PDE1C: variants seen among roughly 807,000 people sequenced by gnomAD.
PDE1C encodes the protein phosphodiesterase 1C, also known as dual specificity calcium/calmodulin-dependent 3',5'-cyclic nucleotide phosphodiesterase 1C.
In PDE1C, 62 loss-of-function variants were observed where a neutral mutation model predicts 93.1. The observed-to-expected ratio is 0.67, with a 90% CI of 0.54 to 0.82. The LOEUF (loss-of-function observed/expected upper bound fraction) is 0.82. Ranked by LOEUF, PDE1C falls within the 40% of genes least tolerant of loss-of-function variation. The pLI is 0.00. For synonymous variants in PDE1C, 325 were observed against 310.1 expected, an observed-to-expected ratio of 1.05 and a Z score of -0.50; for missense variants, 742 against 884.6, an observed-to-expected ratio of 0.84 and a Z score of 2.04.
chr7:32,251,082 T>TGC (rs58866039), intron 1 of PDE1C, among the ~76,000 whole-genome samples: 1 of 152,136 alleles, frequency 6.6e-6, no homozygotes, highest in Non-Finnish European at 1.5e-5. Flanking sequence ...CAAGCGCGCG[T>TGC]GCGCACACAC....
At chr7:31,621,241 C>T in the PDE1C span, among the ~76,000 whole-genome samples, 1 of 151,626 alleles carries the variant, frequency 6.6e-6, no homozygotes, top group Admixed American at 6.6e-5. Context: ...CGTTCAGATT[C>T]AGGAAATGCA....
intron 1 of PDE1C, among the ~76,000 whole-genome samples, chr7:32,252,209 A>G (rs1447900176): frequency 6.6e-6 from 1 of 152,214 alleles, no homozygotes. Context: ...CATATTTTCC[A>G]AAACAGTCTT....
intron 1 of PDE1C, among the ~76,000 whole-genome samples, chr7:32,218,447 C>T (rs1254630101): frequency 2.6e-5 from 4 of 152,244 alleles, no homozygotes; most frequent in Non-Finnish European, 5.9e-5. Context: ...GGGCAAGGCT[C>T]ACCTGCCAGA....
At chr7:31,775,617 C>T (rs1377711673) in intron 17 of PDE1C, 47 bp downstream of exon 17, 1 of 1,513,622 alleles carries the variant, frequency 6.6e-7, no homozygotes, top group Non-Finnish European at 9.2e-7. Flanking sequence ...CCAGGCCTTT[C>T]CATTGTCTGT....
At chr7:32,192,599 G>A (rs1440857985) in intron 2 of PDE1C, among the ~76,000 whole-genome samples, 1 of 151,910 alleles carries the variant, frequency 6.6e-6, no homozygotes, top group Non-Finnish European at 1.5e-5. Flanking sequence ...TAGTTATATA[G>A]GCCTTGAAAT....
intron 3 of PDE1C, among the ~76,000 whole-genome samples, chr7:32,092,311 AG>A (rs1453957485): frequency 1.3e-5 from 2 of 152,074 alleles, no homozygotes; most frequent in African/African-American, 4.8e-5. Context: ...TTCATGTCGG[AG>A]GCTGCATAAT....
intron 6 of PDE1C, among the ~76,000 whole-genome samples, chr7:31,868,739 A>G (rs1795590471): frequency 6.6e-6 from 1 of 152,178 alleles, no homozygotes; most frequent in Non-Finnish European, 1.5e-5. Context: ...TCCACAGCAC[A>G]TTAGAGCCAA....
At chr7:32,337,814 A>C (rs952888787) in intron 1 of PDE1C, among the ~76,000 whole-genome samples, 1 of 152,174 alleles carries the variant, frequency 6.6e-6, no homozygotes, top group African/African-American at 2.4e-5. Context: ...ATGAGAAAAA[A>C]AGATGAAGGC....
chr7:31,623,719 TGAA>T, the PDE1C span, among the ~76,000 whole-genome samples: 1 of 140,234 alleles, frequency 7.1e-6, no homozygotes, highest in Admixed American at 7.4e-5. Context: ...AGGAAAACTT[TGAA>T]ACCTCTATCA....
chr7:32,405,933 C>A (rs1193246451), intron 1 of PDE1C, among the ~76,000 whole-genome samples: 1 of 152,154 alleles, frequency 6.6e-6, no homozygotes, highest in East Asian at 1.9e-4. Context: ...TAGATGAACA[C>A]CCATCCCTCA....
intron 1 of PDE1C, among the ~76,000 whole-genome samples, chr7:32,419,909 C>G (rs1785358042): frequency 6.6e-6 from 1 of 150,588 alleles, no homozygotes; most frequent in South Asian, 2.1e-4. Context: ...CTACTCTGAA[C>G]CTCAGTTTCT....
At chr7:32,012,971 A>G (rs939153534) in intron 2 of PDE1C, among the ~76,000 whole-genome samples, 7 of 152,192 alleles carry the variant, frequency 4.6e-5, no homozygotes, top group Admixed American at 3.3e-4. Flanking sequence ...AATAAAAGAT[A>G]ATCAACTGTA....
chr7:31,900,520 A>G (rs1012348104), intron 2 of PDE1C, among the ~76,000 whole-genome samples: 1 of 151,770 alleles, frequency 6.6e-6, no homozygotes, highest in Non-Finnish European at 1.5e-5. Context: ...CAGTAAGTTA[A>G]AATTTACTAC....
intron 2 of PDE1C, among the ~76,000 whole-genome samples, chr7:31,925,372 T>C (rs540955240): frequency 6.6e-6 from 1 of 152,326 alleles, no homozygotes; most frequent in East Asian, 1.9e-4. Flanking sequence ...GTCTGTCATA[T>C]GTGAGGCACT....
chr7:31,685,377 G>C, the PDE1C span, among the ~76,000 whole-genome samples: 2 of 152,152 alleles, frequency 1.3e-5, no homozygotes, highest in Non-Finnish European at 2.9e-5. Context: ...GATATTGTAG[G>C]ATAGTTTCAT....
intron 3 of PDE1C, among the ~76,000 whole-genome samples, chr7:32,092,730 G>T (rs73100613): frequency 0.065 from 9,875 of 152,186 alleles, 358 homozygotes; most frequent in East Asian, 0.12. Flanking sequence ...TACTAAAATG[G>T]AAAAGCCAAG....
intron 3 of PDE1C, among the ~76,000 whole-genome samples, chr7:32,105,701 C>CTTT (rs11313586): frequency 1.5e-5 from 2 of 134,028 alleles, no homozygotes; most frequent in African/African-American, 2.7e-5. Flanking sequence ...CCACATCTGA[C>CTTT]TTTTTTTTTT....
the PDE1C span, chr7:31,658,178 G>A: frequency 1.5e-4 from 173 of 1,140,868 alleles, no homozygotes; most frequent in Non-Finnish European, 2.0e-4. Context: ...ATGTAGATTT[G>A]TGTAAGGATA....
At chr7:31,884,279 T>A (rs1255801453) in intron 2 of PDE1C, among the ~76,000 whole-genome samples, 1 of 151,776 alleles carries the variant, frequency 6.6e-6, no homozygotes, top group Non-Finnish European at 1.5e-5. Flanking sequence ...GTGAAAGGAT[T>A]CACTTTTGAA....
Sources: gnomAD v4.1 joint callset for allele counts (sites outside exome capture counted in the v4.1 genomes callset) on GRCh38, gnomAD v4.1.1 for gene constraint, MANE v1.5 for transcripts, NCBI Gene and HGNC (gene_info 2026-07-23, HGNC 2026-07-21) for gene names.